Variants in SGCZ observed in about 807,000 individuals in gnomAD.
SGCZ encodes the protein sarcoglycan zeta, also known as zeta-sarcoglycan.
Under a neutral mutation model 41.3 loss-of-function variants are expected in SGCZ, and 40 were observed. The observed-to-expected ratio is 0.97, with a 90% confidence interval of 0.75 to 1.26. SGCZ has a LOEUF of 1.26. SGCZ is among the 50% of genes most tolerant of loss of function. The pLI is 0.00. For synonymous variants in SGCZ, 206 were observed against 137.5 expected, an observed-to-expected ratio of 1.50 and a Z score of -3.49; for missense variants, 552 against 369.8, an observed-to-expected ratio of 1.49 and a Z score of -4.04.
chr8:15,051,597 A>G (rs569706825), intron 1 of SGCZ, among the ~76,000 whole-genome samples: 4 of 152,248 alleles, frequency 2.6e-5, no homozygotes, highest in African/African-American at 9.6e-5. Context: ...AGAGTTTTCC[A>G]AAGTACTTGT....
Position 14,546,100 on chromosome 8 carries a change from G to C in SGCZ, c.234+8632C>G, listed in dbSNP as rs577408574. 1.1e-4 allele frequency among the ~76,000 whole-genome samples: 16 copies of C among 152,276 alleles called. No individual in the cohort carries two copies. In the East Asian group the frequency reaches 2.7e-3, roughly 26 times the overall value. ...ATCATGAGGAGCTGCATACGGAAGG[G>C]TATAATGGAAGCAGTCTTGCAACAT... On this transcript the variant is annotated intron_variant, in intron 2 of 7. Coordinates refer to ENST00000382080, the MANE Select transcript of SGCZ (RefSeq NM_139167.4).
intron 2 of SGCZ, among the ~76,000 whole-genome samples, chr8:14,369,552 T>C (rs1243997830): frequency 1.3e-5 from 2 of 152,026 alleles, no homozygotes; most frequent in Admixed American, 1.3e-4. Context: ...TCTACTGTAA[T>C]ATTATTTTAT....
chr8:14,282,868 G>C (rs1212993225), intron 3 of SGCZ, among the ~76,000 whole-genome samples: 1 of 15,844 alleles, frequency 6.3e-5, no homozygotes, highest in Non-Finnish European at 1.5e-4. Context: ...TTTTTTTTTT[G>C]AGACGGAGTC....
In SGCZ at chr8:14,386,329, T is replaced by C. The variant is rs116377887; in HGVS notation, c.235-62125A>G. On this transcript the variant is annotated intron_variant, in intron 2 of 7. Coordinates refer to ENST00000382080, the MANE Select transcript of SGCZ (RefSeq NM_139167.4). ...AAAAAAAAAAAAACATTCTTAGTAA[T>C]TGAAAAGTCTATGAAAGAGAAATAC... is the stretch of plus-strand genomic sequence containing the variant. Among the ~76,000 whole-genome samples, 204 of 151,634 alleles carry C rather than the reference T, an allele frequency of 1.3e-3. 2 individuals carry two copies. Among genetic ancestry groups the C allele is most frequent in the African/African-American group, 4.8e-3 (198 of 41,408 alleles).
intron 5 of SGCZ, among the ~76,000 whole-genome samples, chr8:14,146,890 A>AAAATAATAAT (rs1182329393): frequency 1.7e-5 from 2 of 116,268 alleles, no homozygotes; most frequent in Admixed American, 8.6e-5. Flanking sequence ...AAAATAAAAA[A>AAAATAATAAT]AATAATAATA....
intron 1 of SGCZ, among the ~76,000 whole-genome samples, chr8:14,960,538 T>A (rs1357045203): frequency 6.6e-6 from 1 of 152,128 alleles, no homozygotes; most frequent in East Asian, 1.9e-4. Flanking sequence ...TAATCTTCAT[T>A]TTCTTAATCT....
At chr8:14,604,303 C>A (rs1298002116) in intron 1 of SGCZ, among the ~76,000 whole-genome samples, 1 of 152,044 alleles carries the variant, frequency 6.6e-6, no homozygotes, top group Non-Finnish European at 1.5e-5. Flanking sequence ...CTGGAGAGTT[C>A]TTTCTTTGAG....
intron 1 of SGCZ, among the ~76,000 whole-genome samples, chr8:14,768,691 G>C (rs2255785): frequency 0.71 from 107,748 of 151,850 alleles, 39,351 homozygotes; most frequent in African/African-American, 0.89. Context: ...CAAGAGATGC[G>C]GGAGTATGAT....
At chr8:14,204,125 C>G (rs900452335) in intron 4 of SGCZ, among the ~76,000 whole-genome samples, 4 of 152,028 alleles carry the variant, frequency 2.6e-5, no homozygotes, top group Admixed American at 6.6e-5. Context: ...TTCGGACCGT[C>G]TTCGGCAAAT....
chr8:14,970,735 A>C (rs1801265033), intron 1 of SGCZ, among the ~76,000 whole-genome samples: 1 of 152,126 alleles, frequency 6.6e-6, no homozygotes. Context: ...AGAGAGTCTT[A>C]GTCCTCCTGC....
intron 1 of SGCZ, among the ~76,000 whole-genome samples, chr8:14,763,965 G>C (rs150338667): frequency 3.6e-4 from 55 of 152,194 alleles, no homozygotes; most frequent in African/African-American, 1.3e-3. Context: ...AGTAGTTATG[G>C]GTACACCTGG....
At chr8:14,798,281 T>C (rs867645931) in intron 1 of SGCZ, among the ~76,000 whole-genome samples, 3 of 152,334 alleles carry the variant, frequency 2.0e-5, no homozygotes, top group Admixed American at 6.5e-5. Context: ...AAGTCCTTTT[T>C]CTAACAGGAA....
chr8:14,950,575 G>C (rs1034897177), intron 1 of SGCZ, among the ~76,000 whole-genome samples: 1 of 151,990 alleles, frequency 6.6e-6, no homozygotes, highest in African/African-American at 2.4e-5. Flanking sequence ...GATAAGTCAA[G>C]TGGGTTGTGT....
intron 2 of SGCZ, among the ~76,000 whole-genome samples, chr8:14,328,425 A>G (rs187325184): frequency 1.1e-4 from 17 of 152,242 alleles, no homozygotes; most frequent in Admixed American, 1.1e-3. Flanking sequence ...TTAAGTGCCA[A>G]TCACTTAACT....
chr8:14,680,227 T>A (rs1808399144), intron 1 of SGCZ, among the ~76,000 whole-genome samples: 3 of 152,018 alleles, frequency 2.0e-5, no homozygotes, highest in Non-Finnish European at 4.4e-5. Flanking sequence ...CAAAACATGG[T>A]GGAATTTTAG....
chr8:14,222,631 T>G (rs541088367), intron 4 of SGCZ, among the ~76,000 whole-genome samples: 29 of 152,182 alleles, frequency 1.9e-4, no homozygotes, highest in African/African-American at 6.3e-4. Flanking sequence ...TTTTTCCCAT[T>G]ATTTATTGTT....
intron 1 of SGCZ, among the ~76,000 whole-genome samples, chr8:14,801,279 A>C (rs1801314092): frequency 6.6e-6 from 1 of 152,362 alleles, no homozygotes; most frequent in African/African-American, 2.4e-5. Context: ...AAATATATGC[A>C]TATGCTACTG....
At chr8:14,175,805 C>G (rs550167657) in intron 4 of SGCZ, among the ~76,000 whole-genome samples, 107 of 152,076 alleles carry the variant, frequency 7.0e-4, no homozygotes, top group African/African-American at 2.5e-3. Context: ...GGATATAAAA[C>G]CAAATCCAAT....
chr8:15,197,273 T>G (rs1800759137), intron 1 of SGCZ, among the ~76,000 whole-genome samples: 1 of 152,198 alleles, frequency 6.6e-6, no homozygotes, highest in Non-Finnish European at 1.5e-5. Context: ...CAAATTAGCA[T>G]TTAAATTAGT....
Sources: allele counts gnomAD v4.1 joint callset (sites outside exome capture counted in the v4.1 genomes callset), GRCh38; gene constraint gnomAD v4.1.1; transcripts MANE v1.5; gene names NCBI Gene and HGNC (gene_info 2026-07-23, HGNC 2026-07-21).